MAP2K4: variants seen among roughly 807,000 people sequenced by gnomAD.
The protein encoded by MAP2K4 is dual specificity mitogen-activated protein kinase kinase 4.
In MAP2K4, 4 loss-of-function variants were observed where a neutral mutation model predicts 48.5. That is an observed-to-expected ratio of 0.08 (90% CI 0.04 to 0.19). The LOEUF is 0.19. MAP2K4 is among the 10% of genes least tolerant of loss of function. The pLI, the probability that MAP2K4 is intolerant of heterozygous loss-of-function variation, is 1.00. For synonymous variants in MAP2K4, 166 were observed against 173.1 expected (o/e 0.96, Z 0.32); for missense variants, 258 against 493.3 (o/e 0.52, Z 4.52).
At chr17:12,119,879 T>C (rs1451906595) in intron 7 of MAP2K4, among the ~76,000 whole-genome samples, 1 of 152,222 alleles carries the variant, frequency 6.6e-6, no homozygotes, top group Non-Finnish European at 1.5e-5. Context: ...CATTAATATC[T>C]AAGGATACTT....
chr17:12,106,511 A>G (rs1206091504), intron 4 of MAP2K4, among the ~76,000 whole-genome samples: 1 of 152,152 alleles, frequency 6.6e-6, no homozygotes, highest in African/African-American at 2.4e-5. Flanking sequence ...GATTCTATTC[A>G]TGGGTAGTGT....
chr17:12,022,383 T>G (rs1969110256), intron 1 of MAP2K4, among the ~76,000 whole-genome samples: 1 of 152,216 alleles, frequency 6.6e-6, no homozygotes, highest in African/African-American at 2.4e-5. Context: ...GGATGCCCAC[T>G]GTGTTGCACA....
At chr17:12,034,554 C>T (rs943662716) in intron 1 of MAP2K4, among the ~76,000 whole-genome samples, 16 of 152,102 alleles carry the variant, frequency 1.1e-4, no homozygotes, top group African/African-American at 3.9e-4. Flanking sequence ...TATACATTCA[C>T]GAAATCACAT....
intron 8 of MAP2K4, among the ~76,000 whole-genome samples, chr17:12,127,586 G>A (rs1425846982): frequency 6.6e-6 from 1 of 152,078 alleles, no homozygotes; most frequent in African/African-American, 2.4e-5. Flanking sequence ...ATTTTTCATA[G>A]GGACAGTCTT....
intron 3 of MAP2K4, among the ~76,000 whole-genome samples, chr17:12,092,479 G>A (rs552132213): frequency 6.6e-6 from 1 of 152,134 alleles, no homozygotes; most frequent in East Asian, 1.9e-4. Flanking sequence ...TTGTTTTGAT[G>A]GTTCATTAGA....
chr17:12,109,588 T>C (rs903989437), intron 5 of MAP2K4, among the ~76,000 whole-genome samples: 9 of 152,320 alleles, frequency 5.9e-5, no homozygotes, highest in African/African-American at 1.7e-4. Flanking sequence ...AATTTTCTGA[T>C]CATGATCAGT....
chr17:12,090,226 G>A (rs900883706), intron 3 of MAP2K4, among the ~76,000 whole-genome samples: 1 of 152,120 alleles, frequency 6.6e-6, no homozygotes, highest in Admixed American at 6.5e-5. Flanking sequence ...AGCTTAACTT[G>A]GTAGGAAGGA....
At chr17:12,048,796 A>G (rs1251998250) in intron 1 of MAP2K4, among the ~76,000 whole-genome samples, 1 of 152,012 alleles carries the variant, frequency 6.6e-6, no homozygotes, top group African/African-American at 2.4e-5. Flanking sequence ...AGCTGGGATT[A>G]CAGGTGTCTG....
intron 2 of MAP2K4, among the ~76,000 whole-genome samples, chr17:12,079,150 A>G (rs1190152334): frequency 6.9e-6 from 1 of 145,812 alleles, no homozygotes; most frequent in East Asian, 2.0e-4. Context: ...TATATTTAGT[A>G]TATTTACAGA....
intron 9 of MAP2K4, among the ~76,000 whole-genome samples, chr17:12,130,323 A>G (rs972316839): frequency 6.6e-6 from 1 of 152,236 alleles, no homozygotes; most frequent in Non-Finnish European, 1.5e-5. Flanking sequence ...GAAGAAGGAC[A>G]TAAGGATGAC....
intron 4 of MAP2K4, among the ~76,000 whole-genome samples, chr17:12,097,570 G>T (rs1208618432): frequency 6.6e-6 from 1 of 152,188 alleles, no homozygotes; most frequent in African/African-American, 2.4e-5. Flanking sequence ...GTCACATTTG[G>T]TTTTATGTCT....
intron 1 of MAP2K4, among the ~76,000 whole-genome samples, chr17:12,050,656 C>T (rs758152899): frequency 3.3e-5 from 5 of 152,146 alleles, no homozygotes; most frequent in Non-Finnish European, 7.4e-5. Context: ...ACTATATGCT[C>T]AGCTTAGCTG....
intron 4 of MAP2K4, among the ~76,000 whole-genome samples, chr17:12,105,220 T>G (rs180727472): frequency 5.1e-4 from 78 of 152,272 alleles, no homozygotes; most frequent in Non-Finnish European, 7.1e-4. Flanking sequence ...AAATTTTGAT[T>G]AGAATTTAAC....
At chr17:12,090,092 C>G (rs1971513965) in intron 3 of MAP2K4, among the ~76,000 whole-genome samples, 1 of 152,176 alleles carries the variant, frequency 6.6e-6, no homozygotes, top group Admixed American at 6.5e-5. Context: ...GCATATATGA[C>G]TTGTCATCCG....
At chr17:12,074,023 C>T (rs751109947) in intron 2 of MAP2K4, among the ~76,000 whole-genome samples, 11 of 152,122 alleles carry the variant, frequency 7.2e-5, no homozygotes, top group Non-Finnish European at 1.2e-4. Flanking sequence ...TCGCCCACCT[C>T]GGCCTCCCAA....
rs564234834 is a variant in MAP2K4 at position 12,077,652 on chromosome 17, GAA to G, written c.219-3700_219-3699del. On this transcript the variant is annotated intron_variant, in intron 2 of 10. Transcript: ENST00000353533. ...CAACAAGAAGGAGGTTGGAGGAAAA[GAA>G]AAAGAGTCTTTTTTCCAACTGAGTT... 8.6e-4 allele frequency among the ~76,000 whole-genome samples: 131 copies of G among 152,212 alleles called. No homozygotes were observed. The South Asian group carries it at 9.1e-3, about 11-fold the overall frequency.
rs71947375 is a variant in MAP2K4, at chr17:12,095,895, T to TTGTGTGTG, written c.513+227_513+234dup. ...GGTAAGGGGTGAATCACACGTGTGTTTGTGTGTGTGTGTGTGTGTGTGTGT... is the reference window on the plus strand; with the variant it reads ...GGTAAGGGGTGAATCACACGTGTGTTTGTGTGTGTGTGTGTGTGTGTGTGTGTGTGTGT... On this transcript the variant is annotated intron_variant, in intron 4 of 10. Transcript: ENST00000353533. 7.5e-3 allele frequency among the ~76,000 whole-genome samples: 1,109 copies of TTGTGTGTG among 147,382 alleles called. 14 individuals are homozygous for TTGTGTGTG. The highest frequency in any genetic ancestry group is 0.022 in the African/African-American group (856 of 39,684).
intron 1 of MAP2K4, among the ~76,000 whole-genome samples, chr17:12,051,693 C>G (rs1970143985): frequency 6.6e-6 from 1 of 152,180 alleles, no homozygotes; most frequent in Non-Finnish European, 1.5e-5. Flanking sequence ...CACGTCCCTC[C>G]TTTCTCCCTG....
At chr17:12,102,111 C>T (rs1971956525) in intron 4 of MAP2K4, among the ~76,000 whole-genome samples, 1 of 151,874 alleles carries the variant, frequency 6.6e-6, no homozygotes, top group Admixed American at 6.6e-5. Context: ...TTCATGTTTC[C>T]TTCATTAAAT....
Sources: gnomAD v4.1 joint callset for allele counts (sites outside exome capture counted in the v4.1 genomes callset) on GRCh38, gnomAD v4.1.1 for gene constraint, MANE v1.5 for transcripts, NCBI Gene and HGNC (gene_info 2026-07-23, HGNC 2026-07-21) for gene names.